The following TPD52 variants were observed in gnomAD, a reference collection of about 807,000 sequenced individuals.
TPD52 encodes tumor protein D52, also known as prostate and colon associated protein.
TPD52 carries 17 observed loss-of-function variants against 31.3 expected under a neutral mutation model. The ratio of observed to expected loss-of-function variants is 0.54; its 90% confidence interval spans 0.37 to 0.82. The LOEUF is 0.82. TPD52 is among the 40% of genes least tolerant of loss of function. The pLI is 0.00. For missense variants in TPD52, 212 were observed against 240.1 expected (o/e 0.88, Z 0.77); for synonymous variants, 83 against 89.6 (o/e 0.93, Z 0.42).
chr8:80,071,420 C>T (rs1382435136), intron 1 of TPD52, among the ~76,000 whole-genome samples: 1 of 152,116 alleles, frequency 6.6e-6, no homozygotes, highest in African/African-American at 2.4e-5. Context: ...TCTCTCCTTT[C>T]GTCCTCCCTG....
chr8:80,076,270 A>G (rs1814519857), intron 1 of TPD52, among the ~76,000 whole-genome samples: 1 of 152,242 alleles, frequency 6.6e-6, no homozygotes, highest in Non-Finnish European at 1.5e-5. Flanking sequence ...CCCATCAATG[A>G]TAGACTGAAT....
At chr8:80,033,297 C>A (rs1016600809), downstream of TPD52, 1 of 26,244 alleles carries the variant, frequency 3.8e-5, no homozygotes, top group Admixed American at 4.9e-4. Context: ...ATGTGGTGAC[C>A]GGCGGGGCGG....
At chr8:80,062,335 A>G (rs946748770) in intron 2 of TPD52, among the ~76,000 whole-genome samples, 6 of 152,222 alleles carry the variant, frequency 3.9e-5, no homozygotes, top group African/African-American at 1.4e-4. Context: ...AACTAGCCAC[A>G]TGCAAAAGAA....
intron 1 of TPD52, among the ~76,000 whole-genome samples, chr8:80,076,453 T>C (rs1814548879): frequency 6.6e-6 from 1 of 151,582 alleles, no homozygotes; most frequent in Non-Finnish European, 1.5e-5. Flanking sequence ...GGCAAAATGA[T>C]GAGAACACAT....
At chr8:80,080,280 C>T in intron 1 of TPD52, 1 of 1,598,926 alleles carries the variant, frequency 6.3e-7, no homozygotes, top group East Asian at 2.2e-5. Flanking sequence ...AGGTTTTATT[C>T]CAAGCAAACT....
intron 1 of TPD52, among the ~76,000 whole-genome samples, chr8:80,166,761 C>T: frequency 6.6e-6 from 1 of 151,706 alleles, no homozygotes; most frequent in Non-Finnish European, 1.5e-5. Flanking sequence ...AAAAAATTAG[C>T]TGGGTGTCGT....
intron 3 of TPD52, 123 bp downstream of exon 3, chr8:80,053,159 G>T: frequency 1.8e-6 from 2 of 1,085,576 alleles, no homozygotes; most frequent in Non-Finnish European, 2.6e-6. Flanking sequence ...AAAAAAGGGT[G>T]CCGTGTCGTC....
In TPD52 at chr8:80,064,558, C is replaced by T; in HGVS notation, c.55G>A (p.Glu19Lys). The T allele has an allele frequency of 6.2e-7, 1 of 1,614,210 alleles. No individual in the cohort carries two copies. Among genetic ancestry groups the T allele is most frequent in the Non-Finnish European group, 8.5e-7 (1 of 1,180,018 alleles). ...LRTDPVPEEG[E>K]DVAATISATE... ...GCACTGATCGTGGCAGCAACATCTT[C>T]TCCTTCCTCAGGGACTGGGTCTGTT... is the stretch of plus-strand genomic sequence containing the variant. The change falls in exon 2 of 8, where the codon GAA becomes AAA. Residue 19 changes from glutamate to lysine, a missense_variant. Physicochemically the swap from Glu to Lys is moderately conservative, Grantham distance 56. Transcript: ENST00000518937.
chr8:80,061,366 T>G (rs1340554241), intron 2 of TPD52, among the ~76,000 whole-genome samples: 4 of 60,606 alleles, frequency 6.6e-5, no homozygotes, highest in Admixed American at 1.8e-4. Flanking sequence ...CTCCATACCT[T>G]CCCCCCCACC....
chr8:80,072,315 A>ATGTGTGTGTGTGTGTGTG (rs1333429744), intron 1 of TPD52, among the ~76,000 whole-genome samples: 7 of 70,396 alleles, frequency 9.9e-5, no homozygotes, highest in Admixed American at 6.7e-4. Context: ...TAAAAAACAT[A>ATGTGTGTGTGTGTGTGTG]TATGTGTGTG....
intron 1 of TPD52, among the ~76,000 whole-genome samples, chr8:80,098,205 G>C (rs928488200): frequency 4.6e-5 from 7 of 152,304 alleles, no homozygotes; most frequent in African/African-American, 1.7e-4. Flanking sequence ...TTGTTTTCAT[G>C]CCTGCTAATA....
chr8:80,091,425 C>T (rs760778886), intron 1 of TPD52, among the ~76,000 whole-genome samples: 16 of 150,278 alleles, frequency 1.1e-4, no homozygotes, highest in Non-Finnish European at 2.1e-4. Context: ...GCCGAGATCG[C>T]GCCACTGCGC....
chr8:80,164,790 C>G (rs79261894), intron 1 of TPD52, among the ~76,000 whole-genome samples: 1 of 150,162 alleles, frequency 6.7e-6, no homozygotes, highest in Non-Finnish European at 1.5e-5. Flanking sequence ...GGAGGCTGAA[C>G]AAGAACTGCT....
intron 1 of TPD52, among the ~76,000 whole-genome samples, chr8:80,131,978 C>G (rs911792146): frequency 6.6e-6 from 1 of 151,948 alleles, no homozygotes; most frequent in African/African-American, 2.4e-5. Flanking sequence ...CTCACTGAAC[C>G]TGAAGTTCCT....
chr8:80,138,846 C>G (rs1400678824), intron 1 of TPD52, among the ~76,000 whole-genome samples: 11 of 152,192 alleles, frequency 7.2e-5, no homozygotes, highest in Non-Finnish European at 1.5e-4. Context: ...TCCTGATTTA[C>G]AAGGCCAAGG....
chr8:80,074,283 T>C (rs891642858), intron 1 of TPD52, among the ~76,000 whole-genome samples: 1 of 152,192 alleles, frequency 6.6e-6, no homozygotes, highest in African/African-American at 2.4e-5. Context: ...GATTTAAACA[T>C]ATAATTCAAA....
At chr8:80,042,120 T>C (rs566109434) in intron 7 of TPD52, 113 of 924,574 alleles carry the variant, frequency 1.2e-4, no homozygotes, top group Non-Finnish European at 1.4e-4. Context: ...CAAGCAGCCA[T>C]TGCACATAAT....
chr8:80,091,738 C>G (rs1816291680), intron 1 of TPD52, among the ~76,000 whole-genome samples: 1 of 152,176 alleles, frequency 6.6e-6, no homozygotes, highest in South Asian at 2.1e-4. Flanking sequence ...CAGTGCTTCT[C>G]AAATAACTTT....
At chr8:80,098,372 C>T (rs2130917316) in intron 1 of TPD52, among the ~76,000 whole-genome samples, 1 of 152,312 alleles carries the variant, frequency 6.6e-6, no homozygotes, top group East Asian at 1.9e-4. Flanking sequence ...GGAAAGGATT[C>T]ACCATTCTAG....
Sources: allele counts gnomAD v4.1 joint callset (sites outside exome capture counted in the v4.1 genomes callset), GRCh38; gene constraint gnomAD v4.1.1; transcripts MANE v1.5; gene names NCBI Gene and HGNC (gene_info 2026-07-23, HGNC 2026-07-21).